Variants in ITK observed in about 807,000 individuals in gnomAD.
The protein encoded by ITK is IL2 inducible T cell kinase.
Under a neutral mutation model 87.6 loss-of-function variants are expected in ITK, and 45 were observed. The observed-to-expected ratio is 0.51, with a 90% CI of 0.40 to 0.66. The LOEUF (loss-of-function observed/expected upper bound fraction) is 0.66, where lower values mean the gene tolerates loss of function less well. Ranked by LOEUF, ITK falls within the 30% of genes least tolerant of loss-of-function variation. The pLI is 0.00. For synonymous variants in ITK, 303 were observed against 273.6 expected (o/e 1.11, Z -1.06); for missense variants, 605 against 766.3 (o/e 0.79, Z 2.48).
chr5:157,238,468 T>C (rs935439472), intron 9 of ITK, among the ~76,000 whole-genome samples: 2 of 152,216 alleles, frequency 1.3e-5, no homozygotes, highest in Non-Finnish European at 2.9e-5. Context: ...TGGCACTGTA[T>C]TGGATGAGTA....
chr5:157,224,465 A>T (rs1754490620), intron 6 of ITK: 2 of 152,002 alleles, frequency 1.3e-5, no homozygotes, highest in South Asian at 4.1e-4. Context: ...GCACATGCAA[A>T]TCTACCTCAT....
At chr5:157,183,719 G>A (rs1273574310) in intron 1 of ITK, among the ~76,000 whole-genome samples, 1 of 152,138 alleles carries the variant, frequency 6.6e-6, no homozygotes, top group Non-Finnish European at 1.5e-5. Flanking sequence ...CATGCATTAT[G>A]AGCTGTTTGG....
At chr5:157,230,009 G>A (rs894865012) in intron 7 of ITK, among the ~76,000 whole-genome samples, 4 of 152,178 alleles carry the variant, frequency 2.6e-5, no homozygotes, top group Non-Finnish European at 4.4e-5. Flanking sequence ...AATATTTTTT[G>A]TTATAATATA....
chr5:157,204,135 C>T (rs1754031794), intron 1 of ITK, among the ~76,000 whole-genome samples: 1 of 152,192 alleles, frequency 6.6e-6, no homozygotes, highest in African/African-American at 2.4e-5. Context: ...TTCACCCTCC[C>T]AAGTAGCTGG....
At chr5:157,237,082 T>C (rs1016826262) in intron 8 of ITK, among the ~76,000 whole-genome samples, 18 of 152,244 alleles carry the variant, frequency 1.2e-4, no homozygotes, top group African/African-American at 3.9e-4. Flanking sequence ...CAAAGGATAA[T>C]AAATTATTCT....
At chr5:157,212,756 G>A (rs967436527) in intron 3 of ITK, among the ~76,000 whole-genome samples, 1 of 152,096 alleles carries the variant, frequency 6.6e-6, no homozygotes, top group Admixed American at 6.6e-5. Context: ...GGAGGCTGAG[G>A]TGGGAGAATC....
chr5:157,211,421 G>C (rs965336591), intron 3 of ITK, 53 bp downstream of exon 3: 14 of 1,414,998 alleles, frequency 9.9e-6, no homozygotes, highest in Middle Eastern at 1.8e-4. Context: ...CCTATAGTAG[G>C]GTTGGGTTCC....
intron 1 of ITK, among the ~76,000 whole-genome samples, chr5:157,205,067 C>G (rs913621131): frequency 6.6e-6 from 1 of 152,196 alleles, no homozygotes; most frequent in Admixed American, 6.5e-5. Context: ...TATCACAAAT[C>G]TCTTGCGATA....
intron 16 of ITK, among the ~76,000 whole-genome samples, 159 bp downstream of exon 16, chr5:157,249,166 C>T (rs961218235): frequency 1.3e-5 from 2 of 152,172 alleles, no homozygotes; most frequent in Non-Finnish European, 2.9e-5. Context: ...CGGGATAGAT[C>T]CCCCATCCCT....
chr5:157,219,195 C>T (rs563799540), intron 5 of ITK, among the ~76,000 whole-genome samples: 1 of 151,448 alleles, frequency 6.6e-6, no homozygotes, highest in Non-Finnish European at 1.5e-5. Flanking sequence ...TCACTGCAAC[C>T]TCCGCCTCCC....
In ITK at chr5:157,222,958, G is replaced by A. The variant is rs749116685; in HGVS notation, c.591G>A (p.Glu197=). ...AACTCGCACTGCGGCGCAACGAAGA[G>A]TACTGCCTGCTGGACAGTTCTGAGA... ...PQELALRRNE[E]YCLLDSSEIH... is the part of the protein sequence containing the mutation. The change falls in exon 6 of 17, where the codon GAG becomes GAA. Residue 197 remains glutamate (E), a synonymous_variant. Coordinates refer to ENST00000422843, the MANE Select transcript of ITK (RefSeq NM_005546.4). The A allele has an allele frequency of 6.2e-7, 1 of 1,614,134 alleles. No individual in the cohort carries two copies. Among genetic ancestry groups the A allele is most frequent in the Non-Finnish European group, 8.5e-7 (1 of 1,180,026 alleles).
intron 1 of ITK, among the ~76,000 whole-genome samples, chr5:157,192,512 GAA>G (rs972316056): frequency 6.6e-6 from 1 of 152,240 alleles, no homozygotes; most frequent in Non-Finnish European, 1.5e-5. Flanking sequence ...CAGCCTAATA[GAA>G]AAGAGATTTG....
intron 3 of ITK, chr5:157,213,812 G>A: frequency 2.8e-6 from 1 of 358,478 alleles, no homozygotes; most frequent in Non-Finnish European, 5.4e-6. Flanking sequence ...GGTAGGAGAG[G>A]TGGGGGGTGG....
At chr5:157,211,079 A>C (rs1264136395) in intron 2 of ITK, among the ~76,000 whole-genome samples, 1 of 152,030 alleles carries the variant, frequency 6.6e-6, no homozygotes, top group Non-Finnish European at 1.5e-5. Context: ...GGGGCATGGA[A>C]TCTGAGACGA....
chr5:157,195,778 A>T (rs186486363), intron 1 of ITK: 10 of 152,330 alleles, frequency 6.6e-5, no homozygotes, highest in African/African-American at 1.9e-4. Flanking sequence ...CTGGAGATTG[A>T]TCCACACTGA....
intron 7 of ITK, among the ~76,000 whole-genome samples, chr5:157,231,422 C>G (rs895121306): frequency 6.6e-6 from 1 of 152,140 alleles, no homozygotes; most frequent in African/African-American, 2.4e-5. Flanking sequence ...CTATATTTTC[C>G]CAATCCTCGA....
In ITK at chr5:157,255,054, TTAATG is replaced by T. The variant is rs1755223815; in HGVS notation, c.*2379_*2383del. ...TATATTTGGATCAGATGCATATTTA[TTAATG>T]TACAGTCACTGCTAGTGTTCAAAAT... On this transcript the variant is annotated 3_prime_UTR_variant, in exon 17 of 17. Coordinates refer to ENST00000422843, the MANE Select transcript of ITK (RefSeq NM_005546.4). The T allele has an allele frequency of 5.0e-6, 1 of 200,452 alleles. No homozygotes were observed. Among genetic ancestry groups the T allele is most frequent in the African/African-American group, 2.3e-5 (1 of 43,440 alleles). The allele number at this position is 200,452 out of a possible 1,614,324, so 12.4% of individuals were successfully genotyped here. A position where few individuals can be genotyped will look rare whatever the true frequency, so the allele number is the denominator to read the frequency against.
chr5:157,211,264 G>C, intron 2 of ITK, 23 bp from the exon 3 acceptor site: 1 of 1,604,686 alleles, frequency 6.2e-7, no homozygotes, highest in Middle Eastern at 1.7e-4. Context: ...TGCTCACCTT[G>C]AACTCTGTGT....
At chr5:157,195,914 G>A (rs1018598738) in intron 1 of ITK, 1 of 152,200 alleles carries the variant, frequency 6.6e-6, no homozygotes, top group Non-Finnish European at 1.5e-5. Flanking sequence ...GAAATGAACA[G>A]CCTTGTAGAT....
Sources: allele counts gnomAD v4.1 joint callset (sites outside exome capture counted in the v4.1 genomes callset), GRCh38; gene constraint gnomAD v4.1.1; transcripts MANE v1.5; gene names NCBI Gene and HGNC (gene_info 2026-07-23, HGNC 2026-07-21).